MARCHF1: variants seen among roughly 807,000 people sequenced by gnomAD.
MARCHF1 encodes the protein E3 ubiquitin-protein ligase MARCHF1.
A neutral mutation model predicts 54.2 loss-of-function variants in MARCHF1; 40 were observed. That is an observed-to-expected ratio of 0.74 (90% CI 0.57 to 0.96). The LOEUF (loss-of-function observed/expected upper bound fraction) is 0.96. Ranked by LOEUF, MARCHF1 falls within the 40% of genes least tolerant of loss-of-function variation. The pLI, the probability that MARCHF1 is intolerant of heterozygous loss-of-function variation, is 0.00. For missense variants in MARCHF1, 586 were observed against 656.5 expected, an observed-to-expected ratio of 0.89 and a Z score of 1.17; for synonymous variants, 236 against 236.3, an observed-to-expected ratio of 1.00 and a Z score of 0.01.
chr4:164,009,696 G>T (rs572672618), intron 2 of MARCHF1, among the ~76,000 whole-genome samples: 58 of 152,070 alleles, frequency 3.8e-4, no homozygotes, highest in African/African-American at 1.3e-3. Context: ...ATCTAACCAT[G>T]TGATTATTGC....
chr4:164,045,000 T>G (rs184227616), intron 2 of MARCHF1, among the ~76,000 whole-genome samples: 1 of 152,256 alleles, frequency 6.6e-6, no homozygotes, highest in East Asian at 1.9e-4. Flanking sequence ...AAGAACCTTC[T>G]AAGAGTTTTG....
intron 2 of MARCHF1, among the ~76,000 whole-genome samples, chr4:164,036,114 A>C (rs1042573183): frequency 1.6e-5 from 2 of 123,012 alleles, no homozygotes; most frequent in Admixed American, 8.1e-5. Context: ...AAAAAAAAAA[A>C]AACAAAAAAC....
chr4:164,124,091 A>G (rs1358301615), intron 1 of MARCHF1, among the ~76,000 whole-genome samples: 3 of 151,798 alleles, frequency 2.0e-5, no homozygotes, highest in African/African-American at 7.3e-5. Flanking sequence ...AATGGGCAAA[A>G]GATTTGAATA....
At chr4:163,919,482 G>A (rs866959174) in intron 3 of MARCHF1, among the ~76,000 whole-genome samples, 28 of 151,874 alleles carry the variant, frequency 1.8e-4, no homozygotes, top group African/African-American at 6.3e-4. Context: ...ACAATGTCCT[G>A]CATTGATAGA....
chr4:164,174,888 G>A (rs1730621898), intron 1 of MARCHF1, among the ~76,000 whole-genome samples: 1 of 152,082 alleles, frequency 6.6e-6, no homozygotes, highest in Non-Finnish European at 1.5e-5. Context: ...ATCATTTGGG[G>A]AAGAGAGTTT....
In MARCHF1 at chr4:163,604,326, T is replaced by C. The variant is rs536924652; in HGVS notation, c.1010+7945A>G. 4.6e-5 allele frequency among the ~76,000 whole-genome samples: 7 copies of C among 152,286 alleles called. No homozygotes were observed. The South Asian group carries it at 1.5e-3, about 32-fold the overall frequency. On this transcript the variant is annotated intron_variant, in intron 7 of 9. Coordinates refer to ENST00000514618, the MANE Select transcript of MARCHF1 (RefSeq NM_001394959.1). ...TAAATCTCTCTCTCAAACAATGTTT[T>C]GCTCTTGGTAGGGTAGTAAATGGTG...
intron 5 of MARCHF1, among the ~76,000 whole-genome samples, chr4:163,679,092 G>A (rs1487143737): frequency 6.6e-6 from 1 of 152,214 alleles, no homozygotes; most frequent in Non-Finnish European, 1.5e-5. Flanking sequence ...ATCATTATGT[G>A]TAGTATTTGG....
At chr4:164,099,309 C>T (rs1351124332) in intron 2 of MARCHF1, among the ~76,000 whole-genome samples, 1 of 152,092 alleles carries the variant, frequency 6.6e-6, no homozygotes, top group Non-Finnish European at 1.5e-5. Context: ...TTAATAAGAG[C>T]AGGTTAGAAT....
chr4:163,959,115 A>G lies in MARCHF1; in HGVS notation c.-39+29386T>C, dbSNP rs1270195122. Among the ~76,000 whole-genome samples, 3 of 151,972 alleles carry G rather than the reference A, an allele frequency of 2.0e-5. 1 individual carries two copies. The highest frequency in any genetic ancestry group is 4.4e-5 in the Non-Finnish European group (3 of 67,960). On this transcript the variant is annotated intron_variant, in intron 3 of 9. Transcript: ENST00000514618. ...GTTGATCTACCATACACAGTACCAC[A>G]TGGAGCAGAGAAGAGCTGTTTCTGC...
intron 4 of MARCHF1, among the ~76,000 whole-genome samples, chr4:163,710,817 C>T (rs1745085435): frequency 2.0e-5 from 3 of 152,034 alleles, no homozygotes; most frequent in Admixed American, 2.0e-4. Flanking sequence ...TCAATGATTG[C>T]TAAAATGCAG....
intron 1 of MARCHF1, among the ~76,000 whole-genome samples, chr4:164,127,211 G>A (rs1756203331): frequency 6.6e-6 from 1 of 152,176 alleles, no homozygotes. Flanking sequence ...GATGAAATTA[G>A]TATCCAGCTG....
chr4:164,076,325 C>T (rs1754979885), intron 2 of MARCHF1, among the ~76,000 whole-genome samples: 1 of 151,946 alleles, frequency 6.6e-6, no homozygotes, highest in Non-Finnish European at 1.5e-5. Context: ...AAAAGGCCTT[C>T]AATAAAATTC....
In MARCHF1 at chr4:164,087,495, AATAG is replaced by A. The variant is rs138388948; in HGVS notation, c.-248+24089_-248+24092del. On this transcript the variant is annotated intron_variant, in intron 2 of 9. Coordinates refer to ENST00000514618, the MANE Select transcript of MARCHF1 (RefSeq NM_001394959.1). Reference sequence around the variant, plus strand: ...ACAAAGTACAATATATAAAACAGAAAATAGATAGTCAGGTAAATAGATTAGAGTA... The same window carrying A: ...ACAAAGTACAATATATAAAACAGAAAATAGTCAGGTAAATAGATTAGAGTA... 3.5e-4 allele frequency among the ~76,000 whole-genome samples: 53 copies of A among 152,270 alleles called. 1 individual carries two copies. In the East Asian group the frequency reaches 6.4e-3, roughly 18 times the overall value.
Position 163,607,196 on chromosome 4 carries a change from T to A in MARCHF1, c.1010+5075A>T, listed in dbSNP as rs1447212318. On this transcript the variant is annotated intron_variant, in intron 7 of 9. Coordinates refer to ENST00000514618, the MANE Select transcript of MARCHF1 (RefSeq NM_001394959.1). ...TACCCCTTTCTTGTTTAAGCTCATTTGAATTGATTTCTGTTGATTTTATCC... is the reference window on the plus strand; with the variant it reads ...TACCCCTTTCTTGTTTAAGCTCATTAGAATTGATTTCTGTTGATTTTATCC... Among the ~76,000 whole-genome samples, 6 of 152,210 alleles carry A rather than the reference T, an allele frequency of 3.9e-5. No homozygotes were observed. The East Asian group carries it at 1.2e-3, about 29-fold the overall frequency.
rs79460864 is a variant in MARCHF1 at position 164,120,423 on chromosome 4, T to C, written c.-322-8761A>G. On this transcript the variant is annotated intron_variant, in intron 1 of 9. Coordinates refer to ENST00000514618, the MANE Select transcript of MARCHF1 (RefSeq NM_001394959.1). ...CAACCCACTTTCTGCACTGACCGGATCTTCCAGGTAGAAAATCAACAGAGA... is the reference window on the plus strand; with the variant it reads ...CAACCCACTTTCTGCACTGACCGGACCTTCCAGGTAGAAAATCAACAGAGA... Among the ~76,000 whole-genome samples the C allele has an allele frequency of 1.1e-3, 164 of 152,278 alleles. 3 individuals are homozygous for C. The East Asian group carries it at 0.029, about 27-fold the overall frequency.
chr4:164,061,873 C>G (rs1048214162), intron 2 of MARCHF1, among the ~76,000 whole-genome samples: 1 of 152,100 alleles, frequency 6.6e-6, no homozygotes. Flanking sequence ...GCTGACCGTT[C>G]AGGCTAGTGG....
At chr4:164,129,719 A>G (rs1485786667) in intron 1 of MARCHF1, among the ~76,000 whole-genome samples, 7 of 152,084 alleles carry the variant, frequency 4.6e-5, no homozygotes, top group Admixed American at 3.9e-4. Flanking sequence ...TTTTAGTAAT[A>G]TTGTTCTAAA....
intron 5 of MARCHF1, among the ~76,000 whole-genome samples, chr4:163,649,504 G>A (rs1742887627): frequency 6.6e-6 from 1 of 151,984 alleles, no homozygotes; most frequent in East Asian, 1.9e-4. Context: ...TAGATTTTAG[G>A]ATATAAATAG....
chr4:164,222,594 A>T lies in MARCHF1; in HGVS notation c.-322-110932T>A, dbSNP rs114921925. Among the ~76,000 whole-genome samples the T allele has an allele frequency of 2.1e-3, 325 of 152,010 alleles. 4 individuals are homozygous for T. The highest frequency in any genetic ancestry group is 7.6e-3 in the African/African-American group (317 of 41,492). On this transcript the variant is annotated intron_variant, in intron 1 of 9. Coordinates refer to ENST00000514618, the MANE Select transcript of MARCHF1 (RefSeq NM_001394959.1). ...GAGTCAGGCAAATAGTGAAAATGGA[A>T]AGAGAAAGGAAGGCAGAGAGAAAAA...
Sources: allele counts gnomAD v4.1 joint callset (sites outside exome capture counted in the v4.1 genomes callset), GRCh38; gene constraint gnomAD v4.1.1; transcripts MANE v1.5; gene names NCBI Gene and HGNC (gene_info 2026-07-23, HGNC 2026-07-21).